Variants in ZFHX4 observed in about 807,000 individuals in gnomAD.
ZFHX4 encodes zinc finger homeobox 4.
In ZFHX4, 56 loss-of-function variants were observed where a neutral mutation model predicts 267.6. The ratio of observed to expected loss-of-function variants is 0.21; its 90% CI spans 0.17 to 0.26. ZFHX4 has a LOEUF of 0.26. Among genes scored for constraint, ZFHX4 ranks in the 10% least tolerant of loss-of-function variants. The pLI, the probability that ZFHX4 is intolerant of heterozygous loss-of-function variation, is 1.00. For synonymous variants in ZFHX4, 1,778 were observed against 1,665.6 expected (o/e 1.07, Z -1.64); for missense variants, 4,332 against 4,420.0 (o/e 0.98, Z 0.56).
chr8:76,700,066 A>G (rs961055052), intron 1 of ZFHX4, among the ~76,000 whole-genome samples: 7 of 152,154 alleles, frequency 4.6e-5, no homozygotes, highest in African/African-American at 1.7e-4. Context: ...GGAAAAGGCC[A>G]CAGCAGAGAC....
At chr8:76,826,460 T>C (rs764479623) in intron 4 of ZFHX4, among the ~76,000 whole-genome samples, 1 of 152,192 alleles carries the variant, frequency 6.6e-6, no homozygotes, top group Non-Finnish European at 1.5e-5. Context: ...ATTTTTTTCT[T>C]ATCGTTAAAA....
chr8:76,857,293 A>AT (rs960592268), intron 10 of ZFHX4, among the ~76,000 whole-genome samples: 4 of 150,270 alleles, frequency 2.7e-5, no homozygotes, highest in African/African-American at 7.3e-5. Context: ...ATTATCAATG[A>AT]TTTTTTTCTT....
At chr8:76,772,268 A>G (rs12675752) in intron 3 of ZFHX4, among the ~76,000 whole-genome samples, 42,552 of 151,974 alleles carry the variant, frequency 0.28, 8,164 homozygotes, top group African/African-American at 0.54. Flanking sequence ...TATTTGTTGA[A>G]TTTTGGTTGC....
rs768583729 is a variant in ZFHX4 at position 76,856,005 on chromosome 8, C to G, written c.9084C>G (p.Ser3028=). 1.2e-6 allele frequency: 2 copies of G among 1,613,854 alleles called. No individual in the cohort carries two copies. Among genetic ancestry groups the G allele is most frequent in the Admixed American group, 1.7e-5 (1 of 60,004 alleles). Residue 3028 remains serine, a synonymous_variant, in exon 10 of 11, where the codon TCC becomes TCG. Transcript: ENST00000651372. ...TGTCCATCAGAGATCACATTTTCTC[C>G]AAACAGCACATTTCAAAAGTGAGGG... ...ARLSIRDHIF[S]KQHISKVRET...
At chr8:76,767,710 T>C (rs1345539909) in intron 3 of ZFHX4, among the ~76,000 whole-genome samples, 1 of 152,132 alleles carries the variant, frequency 6.6e-6, no homozygotes, top group Non-Finnish European at 1.5e-5. Flanking sequence ...TGGTGAAGGG[T>C]AGAGGAAAAG....
chr8:76,851,435 ATAG>A lies in ZFHX4; in HGVS notation c.4518_4520del (p.Ser1508del), dbSNP rs1205731476. ...GGGAAAGCAAGTCCTGTAGGAAGTGATAGTAGCTCTATTCCAGATGACATGGGC... is the reference window on the plus strand; with the variant it reads ...GGGAAAGCAAGTCCTGTAGGAAGTGATAGCTCTATTCCAGATGACATGGGC... On this transcript the variant is annotated inframe_deletion, in exon 10 of 11. Transcript: ENST00000651372. The A allele has an allele frequency of 6.2e-7, 1 of 1,613,874 alleles. No individual in the cohort carries two copies. The highest frequency in any genetic ancestry group is 1.6e-4 in the Middle Eastern group (1 of 6,062).
At position 76,864,967 on chromosome 8, in the gene ZFHX4, G is replaced by A. The variant is rs1202064249; in HGVS notation, c.*402G>A. The A allele has an allele frequency of 6.5e-6, 1 of 154,792 alleles. No individual in the cohort carries two copies. The highest frequency in any genetic ancestry group is 1.9e-4 in the East Asian group (1 of 5,264). The allele number at this position is 154,792 out of a possible 1,614,324, so 9.6% of individuals were successfully genotyped here. On this transcript the variant is annotated 3_prime_UTR_variant, in exon 11 of 11. Coordinates refer to ENST00000651372, the MANE Select transcript of ZFHX4 (RefSeq NM_024721.5). ...TCTTAGTTTAGTTAGGTGTAATTCA[G>A]TAGCTTTAAATTCTCAGGTCAGAAC...
chr8:76,849,896 T>A, intron 8 of ZFHX4, 184 bp downstream of exon 8: 3 of 648,384 alleles, frequency 4.6e-6, no homozygotes, highest in Non-Finnish European at 7.9e-6. Flanking sequence ...GAAAAAAATA[T>A]GGTACAAGGC....
intron 4 of ZFHX4, among the ~76,000 whole-genome samples, chr8:76,810,997 C>T (rs894550280): frequency 4.6e-5 from 7 of 152,086 alleles, no homozygotes; most frequent in Non-Finnish European, 7.4e-5. Context: ...TGAATGAGCC[C>T]GACGCTCTGC....
At chr8:76,681,814 T>A (rs576531471) in intron 1 of ZFHX4, among the ~76,000 whole-genome samples, 194 bp downstream of exon 1, 1 of 152,104 alleles carries the variant, frequency 6.6e-6, no homozygotes, top group South Asian at 2.1e-4. Context: ...CCCGACCATC[T>A]CTTCCGCTCT....
At chr8:76,728,745 C>T (rs1808921507) in intron 3 of ZFHX4, among the ~76,000 whole-genome samples, 1 of 152,180 alleles carries the variant, frequency 6.6e-6, no homozygotes, top group Non-Finnish European at 1.5e-5. Context: ...CTAACACAGT[C>T]TGGGAGAGCA....
At chr8:76,716,187 G>A (rs1412832043) in intron 3 of ZFHX4, among the ~76,000 whole-genome samples, 10 of 152,068 alleles carry the variant, frequency 6.6e-5, no homozygotes, top group Non-Finnish European at 5.9e-5. Context: ...TATCGATAGA[G>A]TTGGCAATTT....
intron 6 of ZFHX4, among the ~76,000 whole-genome samples, chr8:76,844,319 T>G (rs1234569307): frequency 1.3e-5 from 2 of 152,126 alleles, no homozygotes; most frequent in African/African-American, 2.4e-5. Context: ...AATATATCCT[T>G]CCCATTCTTC....
At chr8:76,834,401 T>C in intron 5 of ZFHX4, 1 of 221,122 alleles carries the variant, frequency 4.5e-6, no homozygotes, top group East Asian at 1.1e-4. Flanking sequence ...GCATTTGATG[T>C]TGTCAGTGTT....
intron 3 of ZFHX4, among the ~76,000 whole-genome samples, chr8:76,727,657 T>C (rs1237546780): frequency 6.6e-6 from 1 of 152,178 alleles, no homozygotes; most frequent in African/African-American, 2.4e-5. Context: ...ATAAAACATA[T>C]CAAATAAATT....
chr8:76,764,320 AG>A (rs1809996379), intron 3 of ZFHX4, among the ~76,000 whole-genome samples: 1 of 152,222 alleles, frequency 6.6e-6, no homozygotes, highest in African/African-American at 2.4e-5. Context: ...TAAGTTACTT[AG>A]TAACTTTTTT....
At chr8:76,744,656 G>A (rs542542714) in intron 3 of ZFHX4, among the ~76,000 whole-genome samples, 65 of 152,064 alleles carry the variant, frequency 4.3e-4, no homozygotes, top group African/African-American at 1.5e-3. Flanking sequence ...CAAGTAATCC[G>A]TCCATCTCGA....
chr8:76,854,315 C>A lies in ZFHX4; in HGVS notation c.7394C>A (p.Ala2465Asp), dbSNP rs200032821. The A allele has an allele frequency of 1.4e-5, 23 of 1,613,228 alleles. No individual in the cohort carries two copies. The highest frequency in any genetic ancestry group is 1.9e-5 in the Non-Finnish European group (23 of 1,179,614). Reference sequence around the variant, plus strand: ...CAACTTATCGGAAGACCTCCCTCGGCCTCTCAAACACCGGTCCCTTCCAGT... The same window carrying A: ...CAACTTATCGGAAGACCTCCCTCGGACTCTCAAACACCGGTCCCTTCCAGT... ...QPQLIGRPPS[A>D]SQTPVPSSPL... The change falls in exon 10 of 11, where the codon GCC becomes GAC. Residue 2465 changes from alanine (A) to aspartate (D), a missense_variant. Physicochemically the swap from Ala to Asp is moderately radical, Grantham distance 126. This residue lies in a region of ZFHX4 where 1,648 missense variants were observed against 1,625.0 expected (regional missense o/e 1.01). Transcript: ENST00000651372.
At chr8:76,775,242 ATGTTT>A (rs1290590104) in intron 3 of ZFHX4, among the ~76,000 whole-genome samples, 1 of 152,196 alleles carries the variant, frequency 6.6e-6, no homozygotes, top group Non-Finnish European at 1.5e-5. Flanking sequence ...CTAATGAGAA[ATGTTT>A]TTTAAGATTT....
Sources: gnomAD v4.1 joint callset for allele counts (sites outside exome capture counted in the v4.1 genomes callset) on GRCh38, gnomAD v4.1.1 for gene constraint, gnomAD v4.1.1 regional missense constraint, MANE v1.5 for transcripts, NCBI Gene and HGNC (gene_info 2026-07-23, HGNC 2026-07-21) for gene names.